The following MSI2 variants were observed in gnomAD, a reference collection of about 807,000 sequenced individuals.
MSI2 encodes the protein RNA-binding protein Musashi homolog 2.
MSI2 carries 17 observed loss-of-function variants against 45.6 expected under a neutral mutation model. The ratio of observed to expected loss-of-function variants is 0.37; its 90% CI spans 0.26 to 0.56. MSI2 has a LOEUF of 0.56. Ranked by LOEUF, MSI2 falls within the 20% of genes least tolerant of loss-of-function variation. The pLI is 0.77. For synonymous variants in MSI2, 156 were observed against 158.2 expected (o/e 0.99, Z 0.11); for missense variants, 293 against 444.2 (o/e 0.66, Z 3.06).
intron 7 of MSI2, among the ~76,000 whole-genome samples, chr17:57,555,917 C>A (rs2087425696): frequency 6.6e-6 from 1 of 152,210 alleles, no homozygotes; most frequent in Admixed American, 6.5e-5. Flanking sequence ...GGCTGCCCAG[C>A]CTCAGAACCA....
At chr17:57,335,570 G>A (rs1444978290) in intron 5 of MSI2, among the ~76,000 whole-genome samples, 1 of 152,210 alleles carries the variant, frequency 6.6e-6, no homozygotes, top group Admixed American at 6.5e-5. Context: ...GCTGACTCCT[G>A]ACATACATAA....
chr17:57,685,645 C>G (rs947886794), downstream of MSI2: 2 of 152,250 alleles, frequency 1.3e-5, no homozygotes, highest in East Asian at 1.9e-4. Flanking sequence ...AGGAGACAGT[C>G]GAAGGTGCAT....
intron 5 of MSI2, among the ~76,000 whole-genome samples, chr17:57,298,895 C>A (rs549507704): frequency 6.6e-6 from 1 of 152,308 alleles, no homozygotes; most frequent in East Asian, 1.9e-4. Flanking sequence ...GTCCTAGATG[C>A]CATTTTCTTC....
chr17:57,582,541 G>A (rs2088233601), intron 7 of MSI2, among the ~76,000 whole-genome samples: 1 of 152,166 alleles, frequency 6.6e-6, no homozygotes, highest in Non-Finnish European at 1.5e-5. Flanking sequence ...TCTAAGTTTA[G>A]TTTATTTTGA....
chr17:57,687,007 C>CG (rs1249334614), downstream of MSI2, among the ~76,000 whole-genome samples: 2 of 145,734 alleles, frequency 1.4e-5, no homozygotes, highest in Non-Finnish European at 3.1e-5. Flanking sequence ...GGCCAGCAGC[C>CG]CCCCCCCCAA....
chr17:57,502,920 G>A (rs965318630), intron 6 of MSI2, among the ~76,000 whole-genome samples: 1 of 152,026 alleles, frequency 6.6e-6, no homozygotes. Context: ...ACCAAGCCCT[G>A]AGCTTCTGTT....
At chr17:57,583,587 C>T (rs2088266826) in intron 7 of MSI2, among the ~76,000 whole-genome samples, 1 of 149,276 alleles carries the variant, frequency 6.7e-6, no homozygotes. Flanking sequence ...TGAGCTCAAG[C>T]TTCCCAAGTA....
chr17:57,659,086 T>TG (rs201982397), intron 11 of MSI2, among the ~76,000 whole-genome samples: 7 of 149,598 alleles, frequency 4.7e-5, no homozygotes, highest in South Asian at 2.1e-4. Flanking sequence ...GTTGGTTTGT[T>TG]GTTGTTGTTT....
chr17:57,640,746 A>T (rs1032280602), intron 10 of MSI2, among the ~76,000 whole-genome samples: 1 of 152,210 alleles, frequency 6.6e-6, no homozygotes, highest in Non-Finnish European at 1.5e-5. Context: ...AGAATTCTTC[A>T]TCTATTAAAT....
intron 5 of MSI2, among the ~76,000 whole-genome samples, chr17:57,336,907 C>G (rs115227436): frequency 1.3e-3 from 204 of 152,164 alleles, no homozygotes; most frequent in African/African-American, 4.4e-3. Context: ...CACTCAGGGT[C>G]TCTCATGTGG....
At chr17:57,294,735 T>C (rs1910771803) in intron 5 of MSI2, 1 of 152,322 alleles carries the variant, frequency 6.6e-6, no homozygotes, top group Admixed American at 6.5e-5. Flanking sequence ...GCGACTTGGC[T>C]AACAAGGAGA....
At chr17:57,548,475 A>C (rs2144168108) in intron 7 of MSI2, among the ~76,000 whole-genome samples, 1 of 152,298 alleles carries the variant, frequency 6.6e-6, no homozygotes, top group East Asian at 1.9e-4. Flanking sequence ...ATAGGCTTGA[A>C]GTCATTTCCG....
At chr17:57,646,264 C>T (rs1238776684) in intron 10 of MSI2, among the ~76,000 whole-genome samples, 1 of 152,158 alleles carries the variant, frequency 6.6e-6, no homozygotes, top group Non-Finnish European at 1.5e-5. Flanking sequence ...TGGTAAGTGC[C>T]AGAGAAGCAA....
chr17:57,616,477 G>A (rs944270615), intron 9 of MSI2: 1 of 156,214 alleles, frequency 6.4e-6, no homozygotes, highest in South Asian at 2.0e-4. Flanking sequence ...GACTTGTGTG[G>A]GCTAAGGCTA....
intron 5 of MSI2, chr17:57,267,624 A>C (rs890971642): frequency 6.6e-6 from 1 of 150,536 alleles, no homozygotes; most frequent in Non-Finnish European, 1.5e-5. Context: ...GAGAACACAC[A>C]GGGGAGATGT....
chr17:57,472,568 G>A (rs1050412077), intron 6 of MSI2, among the ~76,000 whole-genome samples: 5 of 152,208 alleles, frequency 3.3e-5, no homozygotes, highest in African/African-American at 9.7e-5. Context: ...ATCTGGGCTC[G>A]AATCCTAGCT....
intron 8 of MSI2, among the ~76,000 whole-genome samples, chr17:57,614,294 C>G (rs1907465393): frequency 6.6e-6 from 1 of 152,186 alleles, no homozygotes; most frequent in Non-Finnish European, 1.5e-5. Context: ...CTCAAGCAGT[C>G]TGCCTGCCTT....
At chr17:57,687,352 A>G (rs939048116), downstream of MSI2, among the ~76,000 whole-genome samples, 2 of 152,158 alleles carry the variant, frequency 1.3e-5, no homozygotes, top group South Asian at 2.1e-4. Flanking sequence ...AATAGAAAAC[A>G]TAAGTCCAAA....
At chr17:57,573,289 C>G (rs1567908591) in intron 7 of MSI2, among the ~76,000 whole-genome samples, 1 of 152,092 alleles carries the variant, frequency 6.6e-6, no homozygotes, top group Admixed American at 6.5e-5. Context: ...TATTAATGAC[C>G]AGCAACTTCT....
Sources: gnomAD v4.1 joint callset for allele counts (sites outside exome capture counted in the v4.1 genomes callset) on GRCh38, gnomAD v4.1.1 for gene constraint, MANE v1.5 for transcripts, NCBI Gene and HGNC (gene_info 2026-07-23, HGNC 2026-07-21) for gene names.